The following KCNJ6 variants were observed in gnomAD, a reference collection of about 807,000 sequenced individuals.
KCNJ6 encodes G protein-activated inward rectifier potassium channel 2.
Under a neutral mutation model 34.2 loss-of-function variants are expected in KCNJ6, and 9 were observed. The ratio of observed to expected loss-of-function variants is 0.26; its 90% CI spans 0.16 to 0.46. The LOEUF is 0.46. Among genes scored for constraint, KCNJ6 ranks in the 20% least tolerant of loss-of-function variants. The probability of loss-of-function intolerance (pLI) is 1.00; values close to 1 mark genes in which losing one functional copy is unlikely to be tolerated. For synonymous variants in KCNJ6, 196 were observed against 207.1 expected (o/e 0.95, Z 0.46); for missense variants, 236 against 531.3 (o/e 0.44, Z 5.46).
chr21:37,706,324 C>A (rs966847371), intron 3 of KCNJ6, among the ~76,000 whole-genome samples: 1 of 152,144 alleles, frequency 6.6e-6, no homozygotes, highest in African/African-American at 2.4e-5. Context: ...AACCATGAGG[C>A]GATCTGTGGT....
At chr21:37,901,463 C>T (rs2055816665) in intron 1 of KCNJ6, among the ~76,000 whole-genome samples, 1 of 152,202 alleles carries the variant, frequency 6.6e-6, no homozygotes, top group African/African-American at 2.4e-5. Flanking sequence ...TCCACCCCCA[C>T]ACATGTATCT....
At position 37,611,553 on chromosome 21, in the gene KCNJ6, C is replaced by A. The variant is rs1251363289; in HGVS notation, c.*13606G>T. On this transcript the variant is annotated 3_prime_UTR_variant, in exon 4 of 4. Transcript: ENST00000609713. ...AAAGACATTACAAGAAAACTACAGA[C>A]CAATACCTGTCATAAGCATAGATGC... 6.6e-6 allele frequency: 1 copy of A among 152,162 alleles called. No homozygotes were observed. Among genetic ancestry groups the A allele is most frequent in the African/African-American group, 2.4e-5 (1 of 41,436 alleles). The allele number at this position is 152,162 out of a possible 1,614,324, so 9.4% of individuals were successfully genotyped here.
chr21:37,680,639 C>G (rs1001716059), intron 3 of KCNJ6, among the ~76,000 whole-genome samples: 1 of 152,156 alleles, frequency 6.6e-6, no homozygotes, highest in Non-Finnish European at 1.5e-5. Context: ...AGAATCTGCT[C>G]CCTTTGCCTG....
At chr21:37,844,831 A>G (rs949547807) in intron 1 of KCNJ6, among the ~76,000 whole-genome samples, 4 of 152,140 alleles carry the variant, frequency 2.6e-5, no homozygotes, top group Non-Finnish European at 5.9e-5. Flanking sequence ...AAATGCATCC[A>G]TGTGTCACAC....
At chr21:37,730,985 G>A (rs577161566) in intron 2 of KCNJ6, among the ~76,000 whole-genome samples, 3 of 152,194 alleles carry the variant, frequency 2.0e-5, no homozygotes, top group African/African-American at 4.8e-5. Context: ...TCAGTCACTT[G>A]CTGAAGCTTA....
At chr21:37,793,645 T>C (rs193277056) in intron 2 of KCNJ6, among the ~76,000 whole-genome samples, 58 of 152,238 alleles carry the variant, frequency 3.8e-4, no homozygotes, top group Non-Finnish European at 6.6e-4. Context: ...TGTGTTATTA[T>C]TGCTTTTGGT....
At chr21:37,668,794 T>C (rs2054528967) in intron 3 of KCNJ6, among the ~76,000 whole-genome samples, 1 of 152,224 alleles carries the variant, frequency 6.6e-6, no homozygotes, top group Non-Finnish European at 1.5e-5. Context: ...TTGCAAATTA[T>C]ATACTGACTC....
intron 2 of KCNJ6, among the ~76,000 whole-genome samples, chr21:37,815,444 G>C (rs1445141101): frequency 6.6e-6 from 1 of 152,230 alleles, no homozygotes; most frequent in Non-Finnish European, 1.5e-5. Context: ...GCCTTGGGGA[G>C]GGGGAGAAGA....
intron 2 of KCNJ6, among the ~76,000 whole-genome samples, chr21:37,753,547 A>G (rs2835935): frequency 0.095 from 14,129 of 148,492 alleles, 1,509 homozygotes; most frequent in African/African-American, 0.27. Context: ...CCTGGCAACC[A>G]CCAAGGAACA....
At chr21:37,907,430 C>T (rs2055847193) in intron 1 of KCNJ6, among the ~76,000 whole-genome samples, 1 of 152,078 alleles carries the variant, frequency 6.6e-6, no homozygotes. Context: ...GTTGACTGAG[C>T]CTGAAGGGCA....
intron 2 of KCNJ6, among the ~76,000 whole-genome samples, chr21:37,763,574 C>A (rs1295394386): frequency 6.6e-6 from 1 of 152,200 alleles, no homozygotes; most frequent in Non-Finnish European, 1.5e-5. Flanking sequence ...CTGGCCCTCT[C>A]AGTGACTGTG....
chr21:37,896,130 A>T (rs1038715643), intron 1 of KCNJ6, among the ~76,000 whole-genome samples: 2 of 152,184 alleles, frequency 1.3e-5, no homozygotes, highest in East Asian at 1.9e-4. Flanking sequence ...TGACAAGAGC[A>T]GGAGGAAGAG....
In KCNJ6 at chr21:37,908,258, G is replaced by A. The variant is rs189561652; in HGVS notation, c.-28+7626C>T. ...CCCTGACATTTCTCTTTTCTAGGTT[G>A]TAAGTTTGGCATTAAAGCTGTTCTT... On this transcript the variant is annotated intron_variant, in intron 1 of 3. Transcript: ENST00000609713. Among the ~76,000 whole-genome samples the A allele has an allele frequency of 2.0e-5, 3 of 152,306 alleles. No individual in the cohort carries two copies. In the East Asian group the frequency reaches 5.8e-4, roughly 29 times the overall value.
chr21:37,792,283 C>G (rs1267064218), intron 2 of KCNJ6, among the ~76,000 whole-genome samples: 2 of 152,232 alleles, frequency 1.3e-5, no homozygotes, highest in Non-Finnish European at 2.9e-5. Flanking sequence ...CCCTGCCCAT[C>G]TCTAGTTCAG....
intron 1 of KCNJ6, among the ~76,000 whole-genome samples, chr21:37,896,381 C>A (rs2836042): frequency 6.6e-6 from 1 of 152,076 alleles, no homozygotes; most frequent in South Asian, 2.1e-4. Flanking sequence ...TGAAGCCCTT[C>A]GTAGGGTGCC....
At chr21:37,859,523 A>ATATATATATATG (rs2055583706) in intron 1 of KCNJ6, among the ~76,000 whole-genome samples, 1 of 106,640 alleles carries the variant, frequency 9.4e-6, no homozygotes, top group African/African-American at 4.6e-5. Flanking sequence ...ATATATATAT[A>ATATATATATATG]TATATATAAA....
chr21:37,800,806 C>T (rs550741750), intron 2 of KCNJ6, among the ~76,000 whole-genome samples: 2 of 152,320 alleles, frequency 1.3e-5, no homozygotes, highest in South Asian at 2.1e-4. Flanking sequence ...CCAAGAGGGG[C>T]GGAGGTTCCC....
chr21:37,777,517 C>A (rs2055148083), intron 2 of KCNJ6, among the ~76,000 whole-genome samples: 1 of 152,114 alleles, frequency 6.6e-6, no homozygotes, highest in Non-Finnish European at 1.5e-5. Flanking sequence ...TGTCTTCTCC[C>A]AGACATTGTG....
chr21:37,720,702 C>CTT (rs3061017), intron 2 of KCNJ6, among the ~76,000 whole-genome samples: 153 of 129,512 alleles, frequency 1.2e-3, no homozygotes, highest in Admixed American at 2.3e-3. Flanking sequence ...ATTTTCTTTT[C>CTT]TTTTTTTTTT....
Sources: gnomAD v4.1 joint callset for allele counts (sites outside exome capture counted in the v4.1 genomes callset) on GRCh38, gnomAD v4.1.1 for gene constraint, MANE v1.5 for transcripts, NCBI Gene and HGNC (gene_info 2026-07-23, HGNC 2026-07-21) for gene names.